Variants in ACY3 observed in about 807,000 individuals in gnomAD.
ACY3 encodes the protein aminoacylase 3.
A neutral mutation model predicts 24.6 loss-of-function variants in ACY3; 20 were observed. The ratio of observed to expected loss-of-function variants is 0.81; its 90% CI spans 0.57 to 1.18. ACY3 has a LOEUF of 1.18. Ranked by LOEUF, ACY3 falls within the 50% of genes most tolerant of loss-of-function variation. ACY3 has a pLI of 0.00. For missense variants in ACY3, 423 were observed against 426.8 expected, an observed-to-expected ratio of 0.99 and a Z score of 0.08; for synonymous variants, 174 against 188.4, an observed-to-expected ratio of 0.92 and a Z score of 0.62.
Position 67,642,874 on chromosome 11 carries a change from C to T in ACY3, c.810G>A (p.Leu270=), listed in dbSNP as rs1855435669. ...PIFQMFSGED[L]LYEGESTVYP... ...ACACCGTGGACTCTCCCTCATAGAGCAGGTCCTCCCCACTGAACATCTGGA... is the reference window on the plus strand; with the variant it reads ...ACACCGTGGACTCTCCCTCATAGAGTAGGTCCTCCCCACTGAACATCTGGA... The change falls in exon 8 of 8, where the codon CTG becomes CTA. Residue 270 remains leucine (L), a synonymous_variant. Transcript: ENST00000255082. The T allele has an allele frequency of 6.2e-7, 1 of 1,614,098 alleles. No individual in the cohort carries two copies. Among genetic ancestry groups the T allele is most frequent in the Non-Finnish European group, 8.5e-7 (1 of 1,180,040 alleles).
intron 1 of ACY3, among the ~76,000 whole-genome samples, chr11:67,649,766 C>T (rs1250850656): frequency 7.0e-6 from 1 of 142,388 alleles, no homozygotes; most frequent in African/African-American, 2.7e-5. Flanking sequence ...TGACAGCATG[C>T]ATGTGTGCGT....
rs747428964 is a variant in ACY3, at chr11:67,646,795, C to T, written c.236+13G>A. 6 of 1,611,224 alleles carry T rather than the reference C, an allele frequency of 3.7e-6. No individual in the cohort carries two copies. The highest frequency in any genetic ancestry group is 4.2e-6 in the Non-Finnish European group (5 of 1,179,182). ...CCAACTGCCTGGGCCAACCTGGCGGCAAAAGCACTCACTTGAGGAAGCTGC... is the reference window on the plus strand; with the variant it reads ...CCAACTGCCTGGGCCAACCTGGCGGTAAAAGCACTCACTTGAGGAAGCTGC... On this transcript the variant is annotated intron_variant, in intron 3 of 7. Transcript: ENST00000255082.
At chr11:67,647,666 G>T (rs1413744428) in intron 1 of ACY3, 77 bp from the exon 2 acceptor site, 1 of 152,402 alleles carries the variant, frequency 6.6e-6, no homozygotes, top group South Asian at 2.1e-4. Flanking sequence ...TGAGGTTCAT[G>T]CAGCCAAAGG....
At chr11:67,645,458 G>T in intron 4 of ACY3, 78 bp from the exon 5 acceptor site, 2 of 1,464,176 alleles carry the variant, frequency 1.4e-6, no homozygotes, top group East Asian at 2.4e-5. Context: ...TTGCATGGAG[G>T]AAACACAGGG....
intron 1 of ACY3, among the ~76,000 whole-genome samples, chr11:67,649,179 G>A (rs2134114008): frequency 6.6e-6 from 1 of 152,262 alleles, no homozygotes; most frequent in East Asian, 1.9e-4. Flanking sequence ...CCTTGCTTGG[G>A]GTAGGGGTCT....
intron 7 of ACY3, among the ~76,000 whole-genome samples, chr11:67,643,998 AAAT>A (rs779174166): frequency 1.3e-5 from 2 of 152,202 alleles, no homozygotes; most frequent in Non-Finnish European, 2.9e-5. Flanking sequence ...CTGTCTCAAA[AAAT>A]AATAATAAAA....
At chr11:67,646,679 A>G in intron 3 of ACY3, 129 bp downstream of exon 3, 1 of 900,984 alleles carries the variant, frequency 1.1e-6, no homozygotes, top group Non-Finnish European at 1.8e-6. Context: ...CCGTGGAGGA[A>G]TGGGCCACAT....
chr11:67,647,028 C>T lies in ACY3; in HGVS notation c.16G>A (p.Val6Met). Residue 6 changes from valine to methionine, a missense_variant, in exon 3 of 8, where the codon GTG becomes ATG. By Grantham distance (21) the Val-to-Met change is conservative. Coordinates refer to ENST00000255082, the MANE Select transcript of ACY3 (RefSeq NM_080658.2). MCSLP[V>M]PREPLRRVAV... Reference sequence around the variant, plus strand: ...ACGCGACGCAGGGGCTCCCGGGGCACAGGCAGTGAGCACATGCTGGTGTGG... The same window carrying T: ...ACGCGACGCAGGGGCTCCCGGGGCATAGGCAGTGAGCACATGCTGGTGTGG... 6.5e-7 allele frequency: 1 copy of T among 1,536,160 alleles called. No homozygotes were observed.
At chr11:67,645,547 G>A (rs994290001) in intron 4 of ACY3, 145 bp downstream of exon 4, 18 of 1,236,030 alleles carry the variant, frequency 1.5e-5, no homozygotes, top group Admixed American at 2.6e-5. Context: ...GAGTGCTGGC[G>A]AGTGGCAGAC....
At chr11:67,643,193 T>C (rs915350525) in intron 7 of ACY3, among the ~76,000 whole-genome samples, 5 of 152,196 alleles carry the variant, frequency 3.3e-5, no homozygotes, top group African/African-American at 1.2e-4. Flanking sequence ...CGGGCACAGG[T>C]ATTGAAGCTG....
At chr11:67,645,187 A>G (rs764204392) in intron 5 of ACY3, 35 bp from the exon 6 acceptor site, 2 of 1,605,892 alleles carry the variant, frequency 1.2e-6, no homozygotes, top group South Asian at 1.1e-5. Flanking sequence ...AGGCAGGTGC[A>G]GGACCCATAT....
chr11:67,645,803 C>T lies in ACY3; in HGVS notation c.321G>A (p.Gln107=). 6.2e-7 allele frequency: 1 copy of T among 1,614,046 alleles called. No individual in the cohort carries two copies. The highest frequency in any genetic ancestry group is 8.5e-7 in the Non-Finnish European group (1 of 1,179,948). The part of the protein sequence containing the change: ...NQLLGPKASG[Q]AFDFVLDLHN... Reference sequence around the variant, plus strand: ...GCAGGTCAAGGACAAAGTCAAAGGCCTGGCCCGAGGCCTTGGGCCCCAGCA... The same window carrying T: ...GCAGGTCAAGGACAAAGTCAAAGGCTTGGCCCGAGGCCTTGGGCCCCAGCA... Residue 107 remains glutamine, a synonymous_variant, in exon 4 of 8, where the codon CAG becomes CAA. Coordinates refer to ENST00000255082, the MANE Select transcript of ACY3 (RefSeq NM_080658.2).
rs768016347 is a variant in ACY3 at position 67,645,850 on chromosome 11, T to C, written c.274A>G (p.Arg92Gly). Residue 92 changes from arginine (R) to glycine (G), a missense_variant, in exon 4 of 8, where the codon AGA becomes GGA. Physicochemically the swap from Arg to Gly is moderately radical, Grantham distance 125 (BLOSUM62 -2). Coordinates refer to ENST00000255082, the MANE Select transcript of ACY3 (RefSeq NM_080658.2). Reference protein sequence around the residue: ...PTPDDPYEVTRARELNQLLGP... With the variant: ...PTPDDPYEVTGARELNQLLGP... ...AGCAGCTGGTTCAGCTCTCGGGCTC[T>C]TGTCACCTCATATGGGTCGTCCGGG... The C allele has an allele frequency of 1.3e-5, 21 of 1,612,660 alleles. No homozygotes were observed. The South Asian group carries it at 2.2e-4, about 17-fold the overall frequency.
In ACY3 at chr11:67,642,844, G is replaced by A. The variant is rs539368779; in HGVS notation, c.840C>T (p.Pro280=). The A allele has an allele frequency of 3.4e-5, 55 of 1,613,984 alleles. 1 individual carries two copies. The highest frequency in any genetic ancestry group is 1.2e-4 in the South Asian group (11 of 91,084). Residue 280 remains proline (P), a synonymous_variant, in exon 8 of 8, where the codon CCC becomes CCT. Coordinates refer to ENST00000255082, the MANE Select transcript of ACY3 (RefSeq NM_080658.2). ...LLYEGESTVY[P]VFINEAAYYE... ...AGTAGGCAGCCTCGTTAATGAACAC[G>A]GGGTACACCGTGGACTCTCCCTCAT...
At position 67,644,641 on chromosome 11, in the gene ACY3, A is replaced by T. The variant is rs1242477300; in HGVS notation, c.744+119T>A. 3.3e-6 allele frequency: 3 copies of T among 908,972 alleles called. No individual in the cohort carries two copies. The East Asian group carries it at 8.0e-5, about 24-fold the overall frequency. The allele number at this position is 908,972 out of a possible 1,614,324, so 56.3% of individuals were successfully genotyped here. The stretch of plus-strand genomic sequence containing the variant: ...TGCTCCTCAACCCGAGATGCTGGTG[A>T]GCTCGTGGGAGGCTTGGCTGCACCC... On this transcript the variant is annotated intron_variant, in intron 7 of 7. Transcript: ENST00000255082.
Position 67,646,879 on chromosome 11 carries a change from C to T in ACY3, c.165G>A (p.Pro55=), listed in dbSNP as rs140848754. The T allele has an allele frequency of 5.5e-5, 88 of 1,612,470 alleles. No individual in the cohort carries two copies. In the African/African-American group the frequency reaches 7.2e-4, roughly 13 times the overall value. The part of the protein sequence containing the change: ...SFSAVPVLAN[P]AATSGCRRYV... ...AGCGGCGGCAGCCGGATGTGGCTGC[C>T]GGGTTGGCCAGCACAGGCACAGCGG... Residue 55 remains proline, a synonymous_variant, in exon 3 of 8, where the codon CCG becomes CCA. Transcript: ENST00000255082.
chr11:67,648,904 T>C (rs2509717), intron 1 of ACY3, among the ~76,000 whole-genome samples: 21,473 of 152,080 alleles, frequency 0.14, 2,172 homozygotes, highest in African/African-American at 0.29. Context: ...GAGCCCCCAG[T>C]GGGCCGGGGC....
In ACY3 at chr11:67,642,877, G is replaced by A. The variant is rs371660515; in HGVS notation, c.807C>T (p.Asp269=). The A allele has an allele frequency of 6.2e-7, 1 of 1,614,054 alleles. No homozygotes were observed. Among genetic ancestry groups the A allele is most frequent in the South Asian group, 1.1e-5 (1 of 91,088 alleles). The change falls in exon 8 of 8, where the codon GAC becomes GAT. Residue 269 remains aspartate, a synonymous_variant. Transcript: ENST00000255082. ...APIFQMFSGE[D]LLYEGESTVY... ...CCGTGGACTCTCCCTCATAGAGCAG[G>A]TCCTCCCCACTGAACATCTGGAAGA...
At position 67,646,879 on chromosome 11, in the gene ACY3, C is replaced by A; in HGVS notation, c.165G>T (p.Pro55=). The A allele has an allele frequency of 1.2e-6, 2 of 1,612,470 alleles. No homozygotes were observed. Among genetic ancestry groups the A allele is most frequent in the Non-Finnish European group, 1.7e-6 (2 of 1,179,784 alleles). Residue 55 remains proline, a synonymous_variant, in exon 3 of 8, where the codon CCG becomes CCT. Transcript: ENST00000255082. ...AGCGGCGGCAGCCGGATGTGGCTGC[C>A]GGGTTGGCCAGCACAGGCACAGCGG... The part of the protein sequence containing the change: ...SFSAVPVLAN[P]AATSGCRRYV...
Sources: allele counts gnomAD v4.1 joint callset (sites outside exome capture counted in the v4.1 genomes callset), GRCh38; gene constraint gnomAD v4.1.1; transcripts MANE v1.5; gene names NCBI Gene and HGNC (gene_info 2026-07-23, HGNC 2026-07-21).